Variants in PCYOX1 observed in about 807,000 individuals in gnomAD.
PCYOX1 encodes prenylcysteine oxidase 1.
In PCYOX1, 46 loss-of-function variants were observed where a neutral mutation model predicts 46.4. The observed-to-expected ratio is 0.99, with a 90% CI of 0.78 to 1.27. PCYOX1 has a LOEUF of 1.27. Ranked by LOEUF, PCYOX1 falls within the 50% of genes most tolerant of loss-of-function variation. The pLI, the probability that PCYOX1 is intolerant of heterozygous loss-of-function variation, is 0.00. For synonymous variants in PCYOX1, 220 were observed against 231.8 expected, an observed-to-expected ratio of 0.95 and a Z score of 0.46; for missense variants, 658 against 628.3, an observed-to-expected ratio of 1.05 and a Z score of -0.51.
chr2:70,269,458 C>T (rs921394221), intron 3 of PCYOX1, among the ~76,000 whole-genome samples: 1 of 151,824 alleles, frequency 6.6e-6, no homozygotes, highest in Non-Finnish European at 1.5e-5. Flanking sequence ...GCCTCAGCCT[C>T]CTGAGTAGGT....
intron 3 of PCYOX1, among the ~76,000 whole-genome samples, chr2:70,271,649 T>C (rs1696602277): frequency 6.6e-6 from 1 of 152,032 alleles, no homozygotes; most frequent in Non-Finnish European, 1.5e-5. Flanking sequence ...AACTGCAAAT[T>C]GCTTTGTACT....
intron 5 of PCYOX1, among the ~76,000 whole-genome samples, chr2:70,276,093 C>T (rs1316319141): frequency 2.7e-5 from 3 of 110,246 alleles, no homozygotes; most frequent in Non-Finnish European, 6.2e-5. Context: ...GAGTGAGACT[C>T]CATCTAAAAA....
chr2:70,273,594 T>G (rs1696630651), intron 3 of PCYOX1, among the ~76,000 whole-genome samples: 1 of 152,210 alleles, frequency 6.6e-6, no homozygotes, highest in Non-Finnish European at 1.5e-5. Flanking sequence ...TATACTTATC[T>G]CTGCATGTGC....
In PCYOX1 at chr2:70,275,157, C is replaced by G. The variant is rs772426700; in HGVS notation, c.693C>G (p.Ile231Met). 7 of 1,612,980 alleles carry G rather than the reference C, an allele frequency of 4.3e-6. No homozygotes were observed. The African/African-American group carries it at 6.7e-5, about 15-fold the overall frequency. ...MRVNYGQSTD[I>M]NAFVGAVSLS... ...TCAATTATGGCCAAAGCACGGACAT[C>G]AATGCCTTTGTGGGTAAGCCAGGGC... The change falls in exon 4 of 6, where the codon ATC becomes ATG. Residue 231 changes from isoleucine (I) to methionine (M), a missense_variant. By Grantham distance (10) the Ile-to-Met change is conservative (BLOSUM62 1). Coordinates refer to ENST00000433351, the MANE Select transcript of PCYOX1 (RefSeq NM_016297.4).
intron 3 of PCYOX1, among the ~76,000 whole-genome samples, chr2:70,265,481 G>A (rs111918190): frequency 3.3e-5 from 5 of 152,116 alleles, no homozygotes; most frequent in African/African-American, 1.2e-4. Context: ...GTGAGCCACC[G>A]CGCTCAGCCG....
intron 3 of PCYOX1, among the ~76,000 whole-genome samples, chr2:70,270,093 C>T (rs1181867639): frequency 6.6e-6 from 1 of 151,992 alleles, no homozygotes; most frequent in Non-Finnish European, 1.5e-5. Flanking sequence ...CTCCTGGGTT[C>T]AAGCGATTCT....
intron 1 of PCYOX1, chr2:70,258,634 C>T: frequency 4.4e-6 from 1 of 225,344 alleles, no homozygotes; most frequent in Non-Finnish European, 8.7e-6. Flanking sequence ...CGTGAAGACT[C>T]CAGTGTTCTG....
intron 3 of PCYOX1, among the ~76,000 whole-genome samples, chr2:70,273,719 T>C (rs918332469): frequency 6.6e-6 from 1 of 152,192 alleles, no homozygotes; most frequent in Non-Finnish European, 1.5e-5. Flanking sequence ...ACATGAAAAA[T>C]TGTGTTTGAA....
chr2:70,273,619 C>G (rs932420902), intron 3 of PCYOX1, among the ~76,000 whole-genome samples: 1 of 152,140 alleles, frequency 6.6e-6, no homozygotes, highest in Non-Finnish European at 1.5e-5. Context: ...TTACTTATCC[C>G]TAACTATAAG....
Position 70,270,884 on chromosome 2 carries a change from C to T in PCYOX1, c.495-4075C>T, listed in dbSNP as rs114015796. On this transcript the variant is annotated intron_variant, in intron 3 of 5. Coordinates refer to ENST00000433351, the MANE Select transcript of PCYOX1 (RefSeq NM_016297.4). ...GGCTCACTGTGCCACTGCACCACTA[C>T]GCCCGGCTAATTTTGTATTTTTAGT... 5.1e-3 allele frequency among the ~76,000 whole-genome samples: 779 copies of T among 152,096 alleles called. 8 individuals carry two copies. Among genetic ancestry groups the T allele is most frequent in the African/African-American group, 0.018 (732 of 41,492 alleles).
intron 3 of PCYOX1, among the ~76,000 whole-genome samples, chr2:70,261,827 G>T (rs1407882620): frequency 1.3e-5 from 2 of 151,006 alleles, no homozygotes; most frequent in Non-Finnish European, 3.0e-5. Context: ...CTGTGCTGGT[G>T]TTGTGTATAT....
In PCYOX1 at chr2:70,279,186, CTGAGTAAAAATGACT is replaced by C. The variant is rs1696728414; in HGVS notation, c.*1796_*1810del. 8.0e-6 allele frequency: 1 copy of C among 124,496 alleles called. No individual in the cohort carries two copies. Among genetic ancestry groups the C allele is most frequent in the Non-Finnish European group, 2.0e-5 (1 of 49,920 alleles). 7.7% of individuals were successfully genotyped at this position (124,496 alleles called of 1,614,324 possible). A position where few individuals can be genotyped will look rare whatever the true frequency, so the allele number is the denominator to read the frequency against. On this transcript the variant is annotated 3_prime_UTR_variant, in exon 6 of 6. Coordinates refer to ENST00000433351, the MANE Select transcript of PCYOX1 (RefSeq NM_016297.4). The stretch of plus-strand genomic sequence containing the variant: ...TAGCAAAATAGTGTAAACTTTGGTT[CTGAGTAAAAATGACT>C]TCTTCCCTACCACAGTTGTGAATGT...
rs1696690093 is a variant in PCYOX1, at chr2:70,277,498, ATTGT to A, written c.*109_*112del. 1.2e-5 allele frequency: 11 copies of A among 934,274 alleles called. No homozygotes were observed. In the South Asian group the frequency reaches 1.8e-4, roughly 15 times the overall value. The allele number at this position is 934,274 out of a possible 1,614,324, so 57.9% of individuals were successfully genotyped here. A position where few individuals can be genotyped will look rare whatever the true frequency, so the allele number is the denominator to read the frequency against. On this transcript the variant is annotated 3_prime_UTR_variant, in exon 6 of 6. Coordinates refer to ENST00000433351, the MANE Select transcript of PCYOX1 (RefSeq NM_016297.4). ...TTGAACCAGATATTTTGCCATTATC[ATTGT>A]TTAATAAAAGTAATCCCTGCTGGTC... is the stretch of plus-strand genomic sequence containing the variant.
Position 70,275,182 on chromosome 2 carries a change from C to T in PCYOX1, c.706+12C>T, listed in dbSNP as rs764045294. On this transcript the variant is annotated intron_variant, in intron 4 of 5. Transcript: ENST00000433351. ...CAATGCCTTTGTGGGTAAGCCAGGG[C>T]TTGAAACAGTGGTGGACATTAGTTC... The T allele has an allele frequency of 8.8e-6, 14 of 1,598,980 alleles. No individual in the cohort carries two copies. In the South Asian group the frequency reaches 1.5e-4, roughly 18 times the overall value.
chr2:70,273,031 G>C (rs532410842), intron 3 of PCYOX1, among the ~76,000 whole-genome samples: 1 of 152,278 alleles, frequency 6.6e-6, no homozygotes, highest in Non-Finnish European at 1.5e-5. Flanking sequence ...GTTGTATCAT[G>C]AAACAATTAG....
intron 3 of PCYOX1, among the ~76,000 whole-genome samples, chr2:70,263,790 G>A (rs1172491190): frequency 6.6e-6 from 1 of 151,400 alleles, no homozygotes; most frequent in Non-Finnish European, 1.5e-5. Context: ...CTCCTGAGTA[G>A]CTGGGACTAC....
rs951877425 is a variant in PCYOX1 at position 70,279,341 on chromosome 2, A to C, written c.*1949A>C. ...TCTTAACAGATATGTTGAGGTATTCATATTTGTTTCCTTTTGTGGTTTTAA... is the reference window on the plus strand; with the variant it reads ...TCTTAACAGATATGTTGAGGTATTCCTATTTGTTTCCTTTTGTGGTTTTAA... On this transcript the variant is annotated 3_prime_UTR_variant, in exon 6 of 6. Transcript: ENST00000433351. 2.6e-5 allele frequency: 4 copies of C among 152,228 alleles called. No individual in the cohort carries two copies. In the South Asian group the frequency reaches 8.3e-4, roughly 31 times the overall value. The allele number at this position is 152,228 out of a possible 1,614,324, so 9.4% of individuals were successfully genotyped here.
At chr2:70,257,941 C>A, upstream of PCYOX1, 2 of 397,220 alleles carry the variant, frequency 5.0e-6, no homozygotes, top group Middle Eastern at 6.6e-4. Context: ...GGAGGGTGGG[C>A]TTCGAGGCGG....
chr2:70,268,568 C>T (rs535935235), intron 3 of PCYOX1, among the ~76,000 whole-genome samples: 5 of 152,112 alleles, frequency 3.3e-5, no homozygotes, highest in Admixed American at 6.5e-5. Context: ...GAGGCCAAGG[C>T]GGGCAGATCA....
Sources: gnomAD v4.1 joint callset for allele counts (sites outside exome capture counted in the v4.1 genomes callset) on GRCh38, gnomAD v4.1.1 for gene constraint, MANE v1.5 for transcripts, NCBI Gene and HGNC (gene_info 2026-07-23, HGNC 2026-07-21) for gene names.